The following TRAK2 variants were observed in gnomAD, a reference collection of about 807,000 sequenced individuals.
TRAK2 encodes trafficking kinesin-binding protein 2.
Under a neutral mutation model 104.6 loss-of-function variants are expected in TRAK2, and 81 were observed. That is an observed-to-expected ratio of 0.77 (90% CI 0.65 to 0.93). The LOEUF (loss-of-function observed/expected upper bound fraction) is 0.93. TRAK2 is among the 40% of genes least tolerant of loss of function. The pLI, the probability that TRAK2 is intolerant of heterozygous loss-of-function variation, is 0.00. For missense variants in TRAK2, 1,002 were observed against 1,089.0 expected (o/e 0.92, Z 1.12); for synonymous variants, 406 against 394.4 (o/e 1.03, Z -0.35).
At chr2:201,422,864 A>G (rs1951754102) in intron 1 of TRAK2, among the ~76,000 whole-genome samples, 1 of 152,096 alleles carries the variant, frequency 6.6e-6, no homozygotes, top group Non-Finnish European at 1.5e-5. Flanking sequence ...AGACTGGTAA[A>G]ATTTCAAACA....
chr2:201,400,179 C>T (rs1195404130), intron 4 of TRAK2, among the ~76,000 whole-genome samples: 5 of 152,020 alleles, frequency 3.3e-5, no homozygotes, highest in Non-Finnish European at 7.4e-5. Context: ...AAGCAATAGG[C>T]TTCCACCCAG....
chr2:201,406,547 C>T (rs1951596501), intron 3 of TRAK2, among the ~76,000 whole-genome samples: 1 of 152,048 alleles, frequency 6.6e-6, no homozygotes, highest in Non-Finnish European at 1.5e-5. Context: ...CACAATAGTC[C>T]TTCTCCAACG....
At chr2:201,432,245 GA>G (rs1951848119) in intron 1 of TRAK2, among the ~76,000 whole-genome samples, 2 of 152,172 alleles carry the variant, frequency 1.3e-5, no homozygotes, top group African/African-American at 4.8e-5. Flanking sequence ...TTGGATGCAT[GA>G]ATAAACCAAA....
intron 1 of TRAK2, among the ~76,000 whole-genome samples, chr2:201,435,502 C>A (rs778451480): frequency 2.6e-5 from 4 of 152,196 alleles, no homozygotes; most frequent in Non-Finnish European, 4.4e-5. Context: ...TCTAACACTG[C>A]AAAAGCCTTT....
Position 201,389,365 on chromosome 2 carries a change from A to C in TRAK2, c.1332T>G (p.Ser444=), listed in dbSNP as rs1206291909. 7 of 1,614,172 alleles carry C rather than the reference A, an allele frequency of 4.3e-6. No homozygotes were observed. Among genetic ancestry groups the C allele is most frequent in the Non-Finnish European group, 5.1e-6 (6 of 1,180,034 alleles). ...SVIMTAKPFE[S]GLQQTEDKSL... is the part of the protein sequence containing the mutation. ...ATTTGTCCTCTGTTTGCTGAAGACC[A>C]GACTCAAAAGGTTTTGCTGTCATGA... Residue 444 remains serine (S), a synonymous_variant, in exon 12 of 16, where the codon TCT becomes TCG. Transcript: ENST00000332624.
rs1051004730 is a variant in TRAK2, at chr2:201,447,946, T to C, written c.-200+3404A>G. 6.6e-6 allele frequency among the ~76,000 whole-genome samples: 1 copy of C among 152,256 alleles called. No individual in the cohort carries two copies. Among genetic ancestry groups the C allele is most frequent in the African/African-American group, 2.4e-5 (1 of 41,466 alleles). On this transcript the variant is annotated intron_variant, in intron 1 of 15. Coordinates refer to ENST00000332624, the MANE Select transcript of TRAK2 (RefSeq NM_015049.3). The surrounding 1 kb of genome is among the most constrained non-coding windows in gnomAD (Gnocchi z 4.1). ...TGCTCAACACACTATGTTAATTGTC[T>C]CTTTCCTTCTTCAAACTACATTCCT...
At chr2:201,449,266 C>T (rs757650813) in intron 1 of TRAK2, among the ~76,000 whole-genome samples, 7 of 152,134 alleles carry the variant, frequency 4.6e-5, no homozygotes, top group Non-Finnish European at 1.0e-4. Flanking sequence ...AACCACTCAA[C>T]CTTTAAAGTC....
intron 2 of TRAK2, chr2:201,410,723 G>A: frequency 6.8e-7 from 1 of 1,467,138 alleles, no homozygotes; most frequent in Non-Finnish European, 9.5e-7. Context: ...GAAACTTGAG[G>A]AGGTACAAAC....
At chr2:201,434,124 A>C (rs1559453803) in intron 1 of TRAK2, among the ~76,000 whole-genome samples, 1 of 151,874 alleles carries the variant, frequency 6.6e-6, no homozygotes, top group Non-Finnish European at 1.5e-5. Context: ...CGCCCGGCTA[A>C]TTTTTTGTAT....
At chr2:201,436,253 C>A (rs887690772) in intron 1 of TRAK2, among the ~76,000 whole-genome samples, 1 of 151,984 alleles carries the variant, frequency 6.6e-6, no homozygotes, top group African/African-American at 2.4e-5. Context: ...TGGGGGAATA[C>A]ATCTCAAGCA....
rs1426167779 is a variant in TRAK2 at position 201,380,806 on chromosome 2, C to T, written c.2482G>A (p.Gly828Ser). 3.1e-6 allele frequency: 5 copies of T among 1,613,930 alleles called. No homozygotes were observed. Among genetic ancestry groups the T allele is most frequent in the South Asian group, 1.1e-5 (1 of 91,072 alleles). ...TCCACTAAGTTCATCTTCAACTGGCCAACATCAGGAGGGTTCCGGGAGGGT... is the reference window on the plus strand; with the variant it reads ...TCCACTAAGTTCATCTTCAACTGGCTAACATCAGGAGGGTTCCGGGAGGGT... The part of the protein sequence containing the change: ...LRPSRNPPDV[G>S]QLKMNLVDRL... Residue 828 changes from glycine (G) to serine (S), a missense_variant, in exon 16 of 16, where the codon GGC becomes AGC. Gly to Ser is a moderately conservative substitution (Grantham distance 56). Transcript: ENST00000332624.
intron 4 of TRAK2, among the ~76,000 whole-genome samples, chr2:201,400,226 G>A (rs1381053056): frequency 3.3e-5 from 5 of 151,994 alleles, no homozygotes; most frequent in Non-Finnish European, 5.9e-5. Context: ...TACTTCGCAA[G>A]GGCATAGGAA....
intron 3 of TRAK2, among the ~76,000 whole-genome samples, chr2:201,404,520 C>T (rs1444962164): frequency 6.6e-6 from 1 of 152,144 alleles, no homozygotes; most frequent in Non-Finnish European, 1.5e-5. Context: ...CATACATAAG[C>T]ACTTCACTAA....
In TRAK2 at chr2:201,386,446, G is replaced by C. The variant is rs372094031; in HGVS notation, c.1735C>G (p.Pro579Ala). Residue 579 changes from proline to alanine, a missense_variant, in exon 14 of 16, where the codon CCA becomes GCA. Physicochemically the swap from Pro to Ala is conservative, Grantham distance 27. Coordinates refer to ENST00000332624, the MANE Select transcript of TRAK2 (RefSeq NM_015049.3). ...GGATCAAGGATGGTTCCCAAGTTTG[G>C]TTGAGCAAGCTGCTGCCAGTGATAC... ...TLYHWQQLAQ[P>A]NLGTILDPRP... 1.9e-6 allele frequency: 3 copies of C among 1,614,052 alleles called. No individual in the cohort carries two copies. The highest frequency in any genetic ancestry group is 2.7e-5 in the African/African-American group (2 of 74,920).
chr2:201,397,793 A>C, intron 6 of TRAK2: 1 of 556,854 alleles, frequency 1.8e-6, no homozygotes, highest in Non-Finnish European at 3.2e-6. Flanking sequence ...ATACTATACA[A>C]GTTCACAGAA....
intron 1 of TRAK2, among the ~76,000 whole-genome samples, chr2:201,432,789 C>T (rs1180987391): frequency 1.3e-5 from 2 of 152,120 alleles, no homozygotes; most frequent in East Asian, 1.9e-4. Flanking sequence ...CTCTGCTGGG[C>T]GTAGAGCCTG....
chr2:201,384,227 T>A lies in TRAK2; in HGVS notation c.1964-11A>T. On this transcript the variant is annotated splice_polypyrimidine_tract_variant and intron_variant, in intron 14 of 15. Transcript: ENST00000332624. ...GGTTGGCGGTTGCAACTGAAATAGA[T>A]TTTTAGGGAGCAAATACAAGATTGA... The A allele has an allele frequency of 6.2e-7, 1 of 1,600,132 alleles. No homozygotes were observed. Among genetic ancestry groups the A allele is most frequent in the Non-Finnish European group, 8.6e-7 (1 of 1,169,066 alleles).
intron 2 of TRAK2, among the ~76,000 whole-genome samples, chr2:201,413,559 G>A (rs1175756143): frequency 3.9e-5 from 6 of 152,028 alleles, no homozygotes; most frequent in Non-Finnish European, 8.8e-5. Context: ...TACACCTAGA[G>A]ATCAAATCAA....
At chr2:201,410,163 G>T (rs528164257) in intron 2 of TRAK2, among the ~76,000 whole-genome samples, 24 of 152,264 alleles carry the variant, frequency 1.6e-4, no homozygotes, top group African/African-American at 5.8e-4. Flanking sequence ...TTAGCTGGGC[G>T]TGGTGGCGGG....
Sources: gnomAD v4.1 joint callset for allele counts (sites outside exome capture counted in the v4.1 genomes callset) on GRCh38, gnomAD v4.1.1 for gene constraint, Gnocchi (gnomAD v3.1) non-coding constraint, MANE v1.5 for transcripts, NCBI Gene and HGNC (gene_info 2026-07-23, HGNC 2026-07-21) for gene names.